The following SLX4IP variants were observed in gnomAD, a reference collection of about 807,000 sequenced individuals.
The protein encoded by SLX4IP is SLX4 interacting protein.
In SLX4IP, 34 loss-of-function variants were observed where a neutral mutation model predicts 32.9. The ratio of observed to expected loss-of-function variants is 1.03; its 90% confidence interval spans 0.79 to 1.38. SLX4IP has a LOEUF of 1.38. Ranked by LOEUF, SLX4IP falls within the 40% of genes most tolerant of loss-of-function variation. The probability of loss-of-function intolerance (pLI) is 0.00; values close to 1 mark genes in which losing one functional copy is unlikely to be tolerated. For missense variants in SLX4IP, 444 were observed against 479.0 expected, an observed-to-expected ratio of 0.93 and a Z score of 0.68; for synonymous variants, 172 against 171.7, an observed-to-expected ratio of 1.00 and a Z score of -0.01.
At chr20:10,565,770 T>A (rs1485569177) in intron 4 of SLX4IP, among the ~76,000 whole-genome samples, 1 of 152,190 alleles carries the variant, frequency 6.6e-6, no homozygotes, top group African/African-American at 2.4e-5. Context: ...AACAAGCTAT[T>A]GCCTAACAGC....
chr20:10,613,153 C>T, intron 6 of SLX4IP: 1 of 463,608 alleles, frequency 2.2e-6, no homozygotes, highest in Non-Finnish European at 3.9e-6. Context: ...TACAGAAGAT[C>T]CATGGAGGCA....
chr20:10,602,320 CTCTG>C (rs1303191929), intron 6 of SLX4IP, among the ~76,000 whole-genome samples: 2 of 152,120 alleles, frequency 1.3e-5, no homozygotes, highest in African/African-American at 4.8e-5. Context: ...CTCTCTGTCT[CTCTG>C]TCTCTCTGTC....
chr20:10,520,402 G>T (rs1397154807), intron 2 of SLX4IP, among the ~76,000 whole-genome samples: 1 of 152,162 alleles, frequency 6.6e-6, no homozygotes, highest in Non-Finnish European at 1.5e-5. Context: ...TGAATTGTAA[G>T]TGTTCATTAT....
rs751817446 is a variant in SLX4IP, at chr20:10,575,238, A to T, written c.238+14418A>T. Among the ~76,000 whole-genome samples, 4 of 152,270 alleles carry T rather than the reference A, an allele frequency of 2.6e-5. No homozygotes were observed. The South Asian group carries it at 8.3e-4, about 32-fold the overall frequency. ...GGTCACAGTATTTCTAACGATGACA[A>T]CTGGATGGGAGGCCTGTAGTTCCAT... On this transcript the variant is annotated intron_variant, in intron 4 of 7. Transcript: ENST00000334534.
At chr20:10,573,219 A>C (rs1050569037) in intron 4 of SLX4IP, among the ~76,000 whole-genome samples, 3 of 152,182 alleles carry the variant, frequency 2.0e-5, no homozygotes, top group African/African-American at 4.8e-5. Context: ...ATTTAAAATA[A>C]ATTTCAGAAG....
intron 2 of SLX4IP, among the ~76,000 whole-genome samples, chr20:10,552,919 G>T (rs1304837068): frequency 1.3e-5 from 2 of 150,684 alleles, no homozygotes; most frequent in Non-Finnish European, 2.9e-5. Context: ...AGGTAGCAGT[G>T]AACTTGGTTT....
chr20:10,530,261 G>T (rs551663737), intron 2 of SLX4IP, among the ~76,000 whole-genome samples: 1 of 152,166 alleles, frequency 6.6e-6, no homozygotes, highest in Non-Finnish European at 1.5e-5. Context: ...GTTATTCTTT[G>T]TGTTTCTGGT....
intron 2 of SLX4IP, among the ~76,000 whole-genome samples, chr20:10,502,055 C>G (rs998934): frequency 6.6e-6 from 1 of 152,150 alleles, no homozygotes; most frequent in African/African-American, 2.4e-5. Flanking sequence ...GGGGCCGAAA[C>G]GGCGGCTTAT....
intron 4 of SLX4IP, among the ~76,000 whole-genome samples, chr20:10,580,195 G>C (rs1441045281): frequency 6.6e-6 from 1 of 152,046 alleles, no homozygotes; most frequent in African/African-American, 2.4e-5. Flanking sequence ...TTTCCCTCAG[G>C]TTCTAAAGTT....
intron 2 of SLX4IP, among the ~76,000 whole-genome samples, chr20:10,548,632 C>A (rs1181790958): frequency 6.6e-6 from 1 of 152,184 alleles, no homozygotes; most frequent in African/African-American, 2.4e-5. Flanking sequence ...CCCCACCTGA[C>A]AAGTATTGCC....
intron 4 of SLX4IP, among the ~76,000 whole-genome samples, chr20:10,576,662 T>C (rs1483978727): frequency 6.6e-6 from 1 of 152,208 alleles, no homozygotes; most frequent in Admixed American, 6.5e-5. Context: ...TAGGCCAAGA[T>C]TGAATTTCAA....
chr20:10,561,778 C>G (rs1037000546), intron 4 of SLX4IP, among the ~76,000 whole-genome samples: 4 of 152,168 alleles, frequency 2.6e-5, no homozygotes, highest in Non-Finnish European at 5.9e-5. Context: ...TGAGTTACTT[C>G]ACTTAGAATA....
At chr20:10,592,350 C>A (rs539795906) in intron 4 of SLX4IP, among the ~76,000 whole-genome samples, 5 of 148,430 alleles carry the variant, frequency 3.4e-5, no homozygotes, top group Admixed American at 2.6e-4. Flanking sequence ...TCTCCAACCC[C>A]CCCCCATCAC....
At chr20:10,558,341 C>CAAAAAAA (rs36028561) in intron 3 of SLX4IP, among the ~76,000 whole-genome samples, 3 of 79,536 alleles carry the variant, frequency 3.8e-5, no homozygotes, top group African/African-American at 5.1e-5. Context: ...GACCCTGTCT[C>CAAAAAAA]AAAAAAAAAA....
At chr20:10,616,386 AAAATGAAATAAAT>A (rs200294641) in intron 6 of SLX4IP, among the ~76,000 whole-genome samples, 1 of 111,100 alleles carries the variant, frequency 9.0e-6, no homozygotes. Context: ...CCCAAAAAAA[AAAATGAAATAAAT>A]AAATAAATAA....
chr20:10,525,084 GAT>G (rs2065930405), intron 2 of SLX4IP, among the ~76,000 whole-genome samples: 1 of 152,082 alleles, frequency 6.6e-6, no homozygotes, highest in Admixed American at 6.5e-5. Flanking sequence ...AAAATAGAAA[GAT>G]AGAAATAAAA....
intron 6 of SLX4IP, among the ~76,000 whole-genome samples, chr20:10,608,492 C>T (rs190126648): frequency 6.6e-6 from 1 of 151,550 alleles, no homozygotes; most frequent in African/African-American, 2.4e-5. Context: ...AGTGAAACAC[C>T]ATCTCTACTA....
At chr20:10,602,026 C>A (rs1452365076) in intron 6 of SLX4IP, among the ~76,000 whole-genome samples, 1 of 152,182 alleles carries the variant, frequency 6.6e-6, no homozygotes, top group Non-Finnish European at 1.5e-5. Context: ...CCATTTTAAT[C>A]AGCAGTACCT....
chr20:10,474,610 A>G (rs77782485), intron 2 of SLX4IP, among the ~76,000 whole-genome samples: 7,602 of 152,012 alleles, frequency 0.05, 273 homozygotes, highest in Non-Finnish European at 0.072. Context: ...ATCATGGTTA[A>G]CCCCAGAAGG....
Sources: allele counts gnomAD v4.1 joint callset (sites outside exome capture counted in the v4.1 genomes callset), GRCh38; gene constraint gnomAD v4.1.1; transcripts MANE v1.5; gene names NCBI Gene and HGNC (gene_info 2026-07-23, HGNC 2026-07-21).